KERA: variants seen among roughly 807,000 people sequenced by gnomAD.
The protein encoded by KERA is keratan sulfate proteoglycan keratocan.
In KERA, 25 loss-of-function variants were observed where a neutral mutation model predicts 26.4. The ratio of observed to expected loss-of-function variants is 0.95; its 90% CI spans 0.69 to 1.32. KERA has a LOEUF of 1.32. Ranked by LOEUF, KERA falls within the 40% of genes most tolerant of loss-of-function variation. The pLI, the probability that KERA is intolerant of heterozygous loss-of-function variation, is 0.00. For missense variants in KERA, 434 were observed against 408.9 expected, an observed-to-expected ratio of 1.06 and a Z score of -0.53; for synonymous variants, 167 against 146.1, an observed-to-expected ratio of 1.14 and a Z score of -1.03.
Position 91,051,185 on chromosome 12 carries a change from C to T in KERA, c.*161G>A. 1.6e-6 allele frequency: 1 copy of T among 635,936 alleles called. No homozygotes were observed. Among genetic ancestry groups the T allele is most frequent in the Admixed American group, 2.4e-5 (1 of 42,348 alleles). 39.4% of individuals were successfully genotyped at this position (635,936 alleles called of 1,614,324 possible). ...TTAATGCAGGCTGTGATGCATGTAA[C>T]TGGCAAAAGCATCTTTGAATAGAAA... On this transcript the variant is annotated 3_prime_UTR_variant, in exon 3 of 3. Transcript: ENST00000266719.
At chr12:91,053,482 C>A (rs1434521933) in intron 2 of KERA, among the ~76,000 whole-genome samples, 4 of 151,254 alleles carry the variant, frequency 2.6e-5, no homozygotes, top group African/African-American at 9.7e-5. Flanking sequence ...CTAATAATAT[C>A]ACACAAGTTT....
intron 1 of KERA, among the ~76,000 whole-genome samples, chr12:91,057,312 T>C (rs1879033465): frequency 6.7e-6 from 1 of 149,066 alleles, no homozygotes; most frequent in Admixed American, 6.8e-5. Flanking sequence ...AAATAATTAT[T>C]TTAACAGGAA....
chr12:91,056,894 G>T lies in KERA; in HGVS notation c.-8-605C>A, dbSNP rs191111585. 4.6e-5 allele frequency among the ~76,000 whole-genome samples: 7 copies of T among 151,150 alleles called. No individual in the cohort carries two copies. In the East Asian group the frequency reaches 1.4e-3, roughly 29 times the overall value. On this transcript the variant is annotated intron_variant, in intron 1 of 2. Transcript: ENST00000266719. ...CCTCTCAAGTAAGTTTTTTGAGGGT[G>T]GGGGAAGATGTCTATAATTTTAAGC...
rs748729090 is a variant in KERA, at chr12:91,055,453, C to G, written c.829G>C (p.Val277Leu). 2 of 1,610,018 alleles carry G rather than the reference C, an allele frequency of 1.2e-6. No individual in the cohort carries two copies. Among genetic ancestry groups the G allele is most frequent in the African/African-American group, 2.7e-5 (2 of 74,548 alleles). The change falls in exon 2 of 3, where the codon GTT (valine) becomes CTT (leucine). Residue 277 changes from valine to leucine, a missense_variant. Transcript: ENST00000266719. ...LQLSHNQLTK[V>L]PRISAHLQHL... The stretch of plus-strand genomic sequence containing the variant: ...TGCAGATGAGCACTGATTCGGGGAA[C>G]CTTTGTGAGTTGATTGTGCGACAGT...
At chr12:91,052,339 C>T (rs556558561) in intron 2 of KERA, among the ~76,000 whole-genome samples, 1 of 151,578 alleles carries the variant, frequency 6.6e-6, no homozygotes, top group African/African-American at 2.4e-5. Context: ...CAGCTGATTT[C>T]AACCATGAAT....
intron 2 of KERA, among the ~76,000 whole-genome samples, chr12:91,052,494 C>T (rs1878892484): frequency 6.6e-6 from 1 of 151,552 alleles, no homozygotes; most frequent in Non-Finnish European, 1.5e-5. Flanking sequence ...TTTTATGTTT[C>T]CAGCAAGGTT....
At chr12:91,052,129 G>T (rs1041801115) in intron 2 of KERA, among the ~76,000 whole-genome samples, 17 of 151,304 alleles carry the variant, frequency 1.1e-4, no homozygotes, top group African/African-American at 4.1e-4. Context: ...TATTTAATTG[G>T]AAACTAAAAT....
chr12:91,053,330 G>A (rs1164985115), intron 2 of KERA, among the ~76,000 whole-genome samples: 1 of 151,116 alleles, frequency 6.6e-6, no homozygotes, highest in Non-Finnish European at 1.5e-5. Flanking sequence ...TTGTATTCAT[G>A]ACAATGAAGG....
In KERA at chr12:91,051,424, C is replaced by T; in HGVS notation, c.981G>A (p.Leu327=). ...SYGPHLRYLR[L]DGNEIKPPIP... is the part of the protein sequence containing the mutation. ...TTGGTGGTTTGATTTCATTTCCATC[C>T]AGACGGAGGTAGCGAAGATGAGGTC... The change falls in exon 3 of 3, where the codon CTG becomes CTA. Residue 327 remains leucine, a synonymous_variant. Coordinates refer to ENST00000266719, the MANE Select transcript of KERA (RefSeq NM_007035.4). The T allele has an allele frequency of 6.2e-7, 1 of 1,611,184 alleles. No homozygotes were observed. The highest frequency in any genetic ancestry group is 8.5e-7 in the Non-Finnish European group (1 of 1,178,036).
chr12:91,052,073 T>C (rs932195489), intron 2 of KERA, among the ~76,000 whole-genome samples: 2 of 151,622 alleles, frequency 1.3e-5, no homozygotes, highest in Non-Finnish European at 3.0e-5. Flanking sequence ...AACATAACTT[T>C]ACATAAGCAA....
chr12:91,056,295 GA>G lies in KERA; in HGVS notation c.-8-7del, dbSNP rs778947165. 29 of 1,603,580 alleles carry G rather than the reference GA, an allele frequency of 1.8e-5. No homozygotes were observed. The East Asian group carries it at 4.9e-4, about 27-fold the overall frequency. ...TGTGCCTGCCATTATAGCACCTACA[GA>G]AAAAGGAACACAACTGTTAGATATT... On this transcript the variant is annotated splice_region_variant and splice_polypyrimidine_tract_variant and intron_variant, in intron 1 of 2. Coordinates refer to ENST00000266719, the MANE Select transcript of KERA (RefSeq NM_007035.4).
In KERA at chr12:91,056,102, AT is replaced by A; in HGVS notation, c.179del (p.Asn60IlefsTer23). 1 of 1,609,800 alleles carries A rather than the reference AT, an allele frequency of 6.2e-7. No homozygotes were observed. The highest frequency in any genetic ancestry group is 8.5e-7 in the Non-Finnish European group (1 of 1,177,796). ...PSFPTALYCE[N>X]RGLKEIPAIP... is the part of the protein sequence containing the mutation. Reference sequence around the variant, plus strand: ...TAGCAGGAATTTCTTTGAGACCTCTATTTTCACAATATAAAGCAGTAGGAAA... The same window carrying A: ...TAGCAGGAATTTCTTTGAGACCTCTATTTCACAATATAAAGCAGTAGGAAA... On this transcript the variant is annotated frameshift_variant, in exon 2 of 3. Coordinates refer to ENST00000266719, the MANE Select transcript of KERA (RefSeq NM_007035.4). LOFTEE classifies it high-confidence loss of function.
intron 1 of KERA, among the ~76,000 whole-genome samples, chr12:91,057,493 A>G (rs1407388219): frequency 6.6e-6 from 1 of 150,922 alleles, no homozygotes; most frequent in Non-Finnish European, 1.5e-5. Flanking sequence ...AACTTCATTT[A>G]TGAAATGCTG....
At chr12:91,052,055 G>A (rs1878882279) in intron 2 of KERA, among the ~76,000 whole-genome samples, 1 of 151,550 alleles carries the variant, frequency 6.6e-6, no homozygotes, top group Non-Finnish European at 1.5e-5. Context: ...GATTTTAAAA[G>A]TACAATTAAC....
chr12:91,055,148 G>A (rs1878959528), intron 2 of KERA, among the ~76,000 whole-genome samples: 1 of 151,100 alleles, frequency 6.6e-6, no homozygotes, highest in Non-Finnish European at 1.5e-5. Context: ...TTTCTCTAAT[G>A]GATAATAGTC....
At chr12:91,054,041 A>AT (rs938918380) in intron 2 of KERA, among the ~76,000 whole-genome samples, 8 of 151,064 alleles carry the variant, frequency 5.3e-5, no homozygotes, top group African/African-American at 1.7e-4. Context: ...ATCTCTTAAC[A>AT]TTTTTTTTCT....
In KERA at chr12:91,057,795, C is replaced by T. The variant is rs1439249697; in HGVS notation, c.-60G>A. 1.3e-5 allele frequency: 2 copies of T among 149,776 alleles called. No individual in the cohort carries two copies. Among genetic ancestry groups the T allele is most frequent in the East Asian group, 3.9e-4 (2 of 5,110 alleles). The allele number at this position is 149,776 out of a possible 1,614,324, so 9.3% of individuals were successfully genotyped here. ...GTCCTGTGTCTCAGTCTGAGGTTTG[C>T]TAAAAATCAGTTAAGAGAAAAAAAA... On this transcript the variant is annotated 5_prime_UTR_variant, in exon 1 of 3. Transcript: ENST00000266719.
In KERA at chr12:91,056,121, G is replaced by A. The variant is rs777263244; in HGVS notation, c.161C>T (p.Thr54Ile). 2 of 1,610,308 alleles carry A rather than the reference G, an allele frequency of 1.2e-6. No individual in the cohort carries two copies. Among genetic ancestry groups the A allele is most frequent in the South Asian group, 1.1e-5 (1 of 90,938 alleles). ...MECFCPPSFP[T>I]ALYCENRGLK... Reference sequence around the variant, plus strand: ...ACCTCTATTTTCACAATATAAAGCAGTAGGAAAACTGGGTGGGCAGAAACA... The same window carrying A: ...ACCTCTATTTTCACAATATAAAGCAATAGGAAAACTGGGTGGGCAGAAACA... Residue 54 changes from threonine to isoleucine, a missense_variant, in exon 2 of 3, where the codon ACT (threonine) becomes ATT (isoleucine). Coordinates refer to ENST00000266719, the MANE Select transcript of KERA (RefSeq NM_007035.4).
At position 91,057,175 on chromosome 12, in the gene KERA, C is replaced by T. The variant is rs139674108; in HGVS notation, c.-9+569G>A. ...AACAACCAAAAACATATTTAGGATA[C>T]GGGTGGAGAATTTCTTTATATTCAT... On this transcript the variant is annotated intron_variant, in intron 1 of 2. Transcript: ENST00000266719. Among the ~76,000 whole-genome samples the T allele has an allele frequency of 3.7e-4, 55 of 150,138 alleles. 1 individual carries two copies. The South Asian group carries it at 5.8e-3, about 16-fold the overall frequency.
Sources: gnomAD v4.1 joint callset for allele counts (sites outside exome capture counted in the v4.1 genomes callset) on GRCh38, gnomAD v4.1.1 for gene constraint, MANE v1.5 for transcripts, NCBI Gene and HGNC (gene_info 2026-07-23, HGNC 2026-07-21) for gene names.